ADAM7: variants seen among roughly 807,000 people sequenced by gnomAD.
ADAM7 encodes disintegrin and metalloproteinase domain-containing protein 7.
ADAM7 carries 97 observed loss-of-function variants against 102.9 expected under a neutral mutation model. The observed-to-expected ratio is 0.94, with a 90% CI of 0.80 to 1.12. The LOEUF is 1.12. Among genes scored for constraint, ADAM7 ranks in the 50% most tolerant of loss-of-function variants. The probability of loss-of-function intolerance (pLI) is 0.00; values close to 1 mark genes in which losing one functional copy is unlikely to be tolerated. For missense variants in ADAM7, 991 were observed against 908.7 expected (o/e 1.09, Z -1.16); for synonymous variants, 334 against 304.4 (o/e 1.10, Z -1.01).
intron 3 of ADAM7, among the ~76,000 whole-genome samples, chr8:24,454,681 G>C (rs1240756630): frequency 3.3e-5 from 5 of 152,124 alleles, no homozygotes; most frequent in Non-Finnish European, 5.9e-5. Context: ...CCCACTGTCT[G>C]GCACTCCCTA....
intron 2 of ADAM7, 33 bp from the exon 3 acceptor site, chr8:24,447,153 T>A: frequency 3.1e-6 from 4 of 1,301,700 alleles, no homozygotes; most frequent in Non-Finnish European, 4.3e-6. Flanking sequence ...AATGAGCCCA[T>A]GTTGAAGTCA....
At chr8:24,487,976 A>G (rs1326220889) in intron 11 of ADAM7, among the ~76,000 whole-genome samples, 1 of 152,086 alleles carries the variant, frequency 6.6e-6, no homozygotes, top group South Asian at 2.1e-4. Flanking sequence ...CTTCCTTCAC[A>G]TCTTTACTCA....
chr8:24,490,763 A>G, intron 12 of ADAM7, 36 bp from the exon 13 acceptor site: 1 of 1,599,480 alleles, frequency 6.3e-7, no homozygotes. Context: ...CAGAGTACAT[A>G]CCAATTTCTC....
chr8:24,473,035 A>T (rs1220208727), intron 7 of ADAM7, among the ~76,000 whole-genome samples: 1 of 152,192 alleles, frequency 6.6e-6, no homozygotes, highest in African/African-American at 2.4e-5. Flanking sequence ...AAAGATTTAC[A>T]GCAGATTTGA....
chr8:24,491,576 G>C (rs1486425274), intron 13 of ADAM7, among the ~76,000 whole-genome samples: 1 of 152,074 alleles, frequency 6.6e-6, no homozygotes, highest in Admixed American at 6.6e-5. Flanking sequence ...GTGGGTAGGG[G>C]GTAGGCAGGG....
chr8:24,487,273 A>G lies in ADAM7; in HGVS notation c.1047A>G (p.Pro349=). 6.2e-7 allele frequency: 1 copy of G among 1,613,932 alleles called. No homozygotes were observed. Among genetic ancestry groups the G allele is most frequent in the Non-Finnish European group, 8.5e-7 (1 of 1,179,880 alleles). ...HNLGMQHDEF[P]CTCPSGKCVM... is the part of the protein sequence containing the mutation. Reference sequence around the variant, plus strand: ...TTGGGATGCAGCATGACGAGTTCCCATGCACCTGTCCTTCAGGAAAATGCG... The same window carrying G: ...TTGGGATGCAGCATGACGAGTTCCCGTGCACCTGTCCTTCAGGAAAATGCG... Residue 349 remains proline, a synonymous_variant, in exon 11 of 22, where the codon CCA becomes CCG. Coordinates refer to ENST00000175238, the MANE Select transcript of ADAM7 (RefSeq NM_003817.4).
intron 3 of ADAM7, among the ~76,000 whole-genome samples, chr8:24,447,511 C>A (rs1207502644): frequency 6.6e-6 from 1 of 152,056 alleles, no homozygotes; most frequent in Non-Finnish European, 1.5e-5. Context: ...TTTTTGAGCT[C>A]CATATAGTCA....
intron 8 of ADAM7, among the ~76,000 whole-genome samples, chr8:24,478,694 T>C (rs1294437055): frequency 1.3e-5 from 2 of 152,144 alleles, no homozygotes; most frequent in Non-Finnish European, 2.9e-5. Flanking sequence ...AATTTAAATT[T>C]CCTGTTAGAC....
intron 1 of ADAM7, among the ~76,000 whole-genome samples, chr8:24,441,385 A>G (rs556713244): frequency 6.6e-6 from 1 of 152,360 alleles, no homozygotes; most frequent in African/African-American, 2.4e-5. Flanking sequence ...GTGGACAAGT[A>G]CTGCATATCT....
At chr8:24,508,282 G>C (rs1191159918) in intron 21 of ADAM7, among the ~76,000 whole-genome samples, 1 of 152,152 alleles carries the variant, frequency 6.6e-6, no homozygotes, top group African/African-American at 2.4e-5. Flanking sequence ...AGAGTAGAGA[G>C]TGAAGACACT....
intron 3 of ADAM7, among the ~76,000 whole-genome samples, chr8:24,449,967 T>C (rs549725968): frequency 3.3e-5 from 5 of 152,262 alleles, no homozygotes; most frequent in South Asian, 2.1e-4. Flanking sequence ...TGTAGATATG[T>C]GGCCTTATTT....
At chr8:24,460,023 CTTT>C (rs1346052460) in intron 3 of ADAM7, among the ~76,000 whole-genome samples, 2 of 151,840 alleles carry the variant, frequency 1.3e-5, no homozygotes, top group East Asian at 3.9e-4. Context: ...GGGATTTCTT[CTTT>C]GAGTCATGAA....
intron 3 of ADAM7, among the ~76,000 whole-genome samples, chr8:24,457,863 A>AGTGTGTGAGT (rs1554538193): frequency 8.5e-4 from 126 of 147,978 alleles, no homozygotes; most frequent in Middle Eastern, 3.5e-3. Context: ...TATGTGTGTG[A>AGTGTGTGAGT]GTGTGTGTGT....
intron 3 of ADAM7, among the ~76,000 whole-genome samples, chr8:24,453,103 T>G (rs905058854): frequency 1.8e-4 from 28 of 151,908 alleles, no homozygotes; most frequent in Non-Finnish European, 8.8e-5. Context: ...TCATTTCAAC[T>G]TTGGTGAATC....
chr8:24,504,513 C>A (rs913329367), intron 20 of ADAM7, among the ~76,000 whole-genome samples: 4 of 151,914 alleles, frequency 2.6e-5, no homozygotes, highest in Non-Finnish European at 1.5e-5. Context: ...GATGAAACTG[C>A]CCATTAGGAT....
In ADAM7 at chr8:24,508,773, T is replaced by A; in HGVS notation, c.*227T>A. 1 of 1,353,028 alleles carries A rather than the reference T, an allele frequency of 7.4e-7. No individual in the cohort carries two copies. Among genetic ancestry groups the A allele is most frequent in the Non-Finnish European group, 9.5e-7 (1 of 1,051,688 alleles). 83.8% of individuals were successfully genotyped at this position (1,353,028 alleles called of 1,614,324 possible). A position where few individuals can be genotyped will look rare whatever the true frequency, so the allele number is the denominator to read the frequency against. Reference sequence around the variant, plus strand: ...ACATATGCTGCAGAAAAAAAATGTCTTGTGGTCTTTCAAATGCTCTTTAGC... The same window carrying A: ...ACATATGCTGCAGAAAAAAAATGTCATGTGGTCTTTCAAATGCTCTTTAGC... On this transcript the variant is annotated 3_prime_UTR_variant, in exon 22 of 22. Transcript: ENST00000175238.
intron 12 of ADAM7, 91 bp from the exon 13 acceptor site, chr8:24,490,708 T>A (rs1492401): frequency 0.85 from 1,106,058 of 1,301,590 alleles, 471,858 homozygotes; most frequent in African/African-American, 0.93. Flanking sequence ...TTTAACTCTA[T>A]CAGAATCCAC....
intron 7 of ADAM7, 34 bp from the exon 8 acceptor site, chr8:24,476,398 AT>A: frequency 6.8e-7 from 1 of 1,461,912 alleles, no homozygotes; most frequent in Non-Finnish European, 9.4e-7. Flanking sequence ...AACTCCTATT[AT>A]TAATGAATAT....
intron 12 of ADAM7, among the ~76,000 whole-genome samples, chr8:24,489,710 G>T (rs1039269730): frequency 6.6e-6 from 1 of 152,144 alleles, no homozygotes; most frequent in African/African-American, 2.4e-5. Context: ...TATGAGGCTA[G>T]CCTGTATCAC....
Sources: allele counts gnomAD v4.1 joint callset (sites outside exome capture counted in the v4.1 genomes callset), GRCh38; gene constraint gnomAD v4.1.1; transcripts MANE v1.5; gene names NCBI Gene and HGNC (gene_info 2026-07-23, HGNC 2026-07-21).